PUF60: variants seen among roughly 807,000 people sequenced by gnomAD.
PUF60 encodes the protein poly(U)-binding-splicing factor PUF60.
A neutral mutation model predicts 61.8 loss-of-function variants in PUF60; 10 were observed. The observed-to-expected ratio is 0.16, with a 90% CI of 0.10 to 0.27. The LOEUF is 0.27. PUF60 is among the 10% of genes least tolerant of loss of function. The pLI is 1.00. For synonymous variants in PUF60, 353 were observed against 300.9 expected (o/e 1.17, Z -1.79); for missense variants, 371 against 754.0 (o/e 0.49, Z 5.95).
chr8:143,817,317 C>T lies in PUF60; in HGVS notation c.1144+14G>A. On this transcript the variant is annotated intron_variant, in intron 10 of 11. Coordinates refer to ENST00000526683, the MANE Select transcript of PUF60 (RefSeq NM_078480.3). This position sits in a 1 kb window ranked among gnomAD's most constrained non-coding sequence, Gnocchi z 7.4. ...GACAGGAGAGGAGAGGATCTGGTAC[C>T]ACTTAAGACTCACCTGTGATGACTC... 2 of 1,580,336 alleles carry T rather than the reference C, an allele frequency of 1.3e-6. No homozygotes were observed. The highest frequency in any genetic ancestry group is 2.2e-5 in the East Asian group (1 of 44,564).
intron 1 of PUF60, chr8:143,828,868 C>T (rs549047494): frequency 7.3e-5 from 70 of 955,860 alleles, no homozygotes; most frequent in Non-Finnish European, 8.2e-5. Context: ...GTCCCGTCCC[C>T]TTCTGATCCC....
At chr8:143,826,713 C>T (rs1229319058) in intron 1 of PUF60, among the ~76,000 whole-genome samples, 4 of 152,230 alleles carry the variant, frequency 2.6e-5, no homozygotes, top group African/African-American at 4.8e-5. Context: ...AGCAAAACTC[C>T]GTCTCACACA....
intron 1 of PUF60, among the ~76,000 whole-genome samples, chr8:143,828,752 A>C (rs1422035109): frequency 6.6e-6 from 1 of 152,194 alleles, no homozygotes; most frequent in Admixed American, 6.5e-5. Context: ...AGACAAGAGA[A>C]TGGAGATAAC....
chr8:143,822,054 C>G lies in PUF60; in HGVS notation c.112-141G>C. 9.2e-6 allele frequency: 6 copies of G among 652,748 alleles called. No homozygotes were observed. In the South Asian group the frequency reaches 1.2e-4, roughly 13 times the overall value. The allele number at this position is 652,748 out of a possible 1,614,324, so 40.4% of individuals were successfully genotyped here. A position where few individuals can be genotyped will look rare whatever the true frequency, so the allele number is the denominator to read the frequency against. On this transcript the variant is annotated intron_variant, in intron 2 of 11. Coordinates refer to ENST00000526683, the MANE Select transcript of PUF60 (RefSeq NM_078480.3). Reference sequence around the variant, plus strand: ...CCTTCTGACATTGCTGTCCCCAGCCCAGGCCACTGTCTCCCCCGGGACCCA... The same window carrying G: ...CCTTCTGACATTGCTGTCCCCAGCCGAGGCCACTGTCTCCCCCGGGACCCA...
In PUF60 at chr8:143,816,471, AC is replaced by A. The variant is rs770409152; in HGVS notation, c.*48del. Reference sequence around the variant, plus strand: ...GGGGACACCACTGTATCACTATAAAACCCAGAGGAAACAAGGAACAAGTGCA... The same window carrying A: ...GGGGACACCACTGTATCACTATAAAACCAGAGGAAACAAGGAACAAGTGCA... On this transcript the variant is annotated 3_prime_UTR_variant, in exon 12 of 12. Transcript: ENST00000526683. The A allele has an allele frequency of 1.3e-6, 2 of 1,565,908 alleles. No individual in the cohort carries two copies. Among genetic ancestry groups the A allele is most frequent in the Admixed American group, 3.6e-5 (2 of 56,008 alleles).
At position 143,816,434 on chromosome 8, in the gene PUF60, G is replaced by A. The variant is rs1294924356; in HGVS notation, c.*86C>T. The A allele has an allele frequency of 1.4e-6, 2 of 1,445,056 alleles. No individual in the cohort carries two copies. The highest frequency in any genetic ancestry group is 2.2e-5 in the Admixed American group (1 of 45,576). The allele number at this position is 1,445,056 out of a possible 1,614,324, so 89.5% of individuals were successfully genotyped here. The stretch of plus-strand genomic sequence containing the variant: ...CACTGTAGGCTGGGCTGGGCAGAGC[G>A]CGCCTGGCCCCGGGGACACCACTGT... On this transcript the variant is annotated 3_prime_UTR_variant, in exon 12 of 12. Transcript: ENST00000526683.
rs758651946 is a variant in PUF60 at position 143,817,656 on chromosome 8, G to A, written c.944C>T (p.Pro315Leu). Residue 315 changes from proline to leucine, a missense_variant, in exon 9 of 12, where the codon CCT becomes CTT. Physicochemically the swap from Pro to Leu is moderately conservative, Grantham distance 98 (BLOSUM62 -3). Coordinates refer to ENST00000526683, the MANE Select transcript of PUF60 (RefSeq NM_078480.3). The surrounding 1 kb of genome is among the most constrained non-coding windows in gnomAD (Gnocchi z 7.4). ...AGCAGCGGCAGGTGGGAGGCCTCCAGGCGTGGCTGGTGTGAGTAGGGGCAT... is the reference window on the plus strand; with the variant it reads ...AGCAGCGGCAGGTGGGAGGCCTCCAAGCGTGGCTGGTGTGAGTAGGGGCAT... ...PPMPLLTPAT[P>L]GGLPPAAAVA... 6.2e-7 allele frequency: 1 copy of A among 1,612,636 alleles called. No individual in the cohort carries two copies. The highest frequency in any genetic ancestry group is 1.1e-5 in the South Asian group (1 of 91,090).
chr8:143,821,590 G>T lies in PUF60; in HGVS notation c.297+7C>A, dbSNP rs1317789622. 1 of 1,540,006 alleles carries T rather than the reference G, an allele frequency of 6.5e-7. No individual in the cohort carries two copies. The highest frequency in any genetic ancestry group is 8.7e-7 in the Non-Finnish European group (1 of 1,146,056). On this transcript the variant is annotated splice_region_variant and intron_variant, in intron 4 of 11. Coordinates refer to ENST00000526683, the MANE Select transcript of PUF60 (RefSeq NM_078480.3). ...GGAGGGCGGTAGAGGCTCCGGCCGG[G>T]GCTCACCTGCAGGTTGGTGAGCTGC... is the stretch of plus-strand genomic sequence containing the variant.
chr8:143,827,480 TC>T (rs895301776), intron 1 of PUF60: 45 of 455,926 alleles, frequency 9.9e-5, no homozygotes, highest in African/African-American at 8.8e-4. Flanking sequence ...CTGGCTTCCT[TC>T]CCCACCAGGC....
chr8:143,817,529 A>T lies in PUF60; in HGVS notation c.1008+63T>A, dbSNP rs779570379. ...TGGCTACTCAAGACCACCTTGAATC[A>T]GTCTCCAAGGAATCAGGGGCCAGCC... On this transcript the variant is annotated intron_variant, in intron 9 of 11. Coordinates refer to ENST00000526683, the MANE Select transcript of PUF60 (RefSeq NM_078480.3). This position sits in a 1 kb window ranked among gnomAD's most constrained non-coding sequence, Gnocchi z 7.4. 19 of 1,607,782 alleles carry T rather than the reference A, an allele frequency of 1.2e-5. No homozygotes were observed. Among genetic ancestry groups the T allele is most frequent in the Admixed American group, 1.0e-4 (6 of 59,094 alleles).
chr8:143,817,386 G>C lies in PUF60; in HGVS notation c.1089C>G (p.Pro363=). 2 of 1,593,202 alleles carry C rather than the reference G, an allele frequency of 1.3e-6. No individual in the cohort carries two copies. The highest frequency in any genetic ancestry group is 2.3e-5 in the South Asian group (2 of 87,852). Residue 363 remains proline, a synonymous_variant, in exon 10 of 12, where the codon CCC becomes CCG. Coordinates refer to ENST00000526683, the MANE Select transcript of PUF60 (RefSeq NM_078480.3). The surrounding 1 kb of genome is among the most constrained non-coding windows in gnomAD (Gnocchi z 7.4). ...TGACAGCCTGGGGCAAAGTGCCCAGGGGCTGGGCCAGGGTCAGTGCTGGGG... is the reference window on the plus strand; with the variant it reads ...TGACAGCCTGGGGCAAAGTGCCCAGCGGCTGGGCCAGGGTCAGTGCTGGGG... ...LVSPALTLAQ[P]LGTLPQAVMA...
intron 5 of PUF60, among the ~76,000 whole-genome samples, chr8:143,819,245 C>T (rs1478659786): frequency 6.6e-6 from 1 of 152,170 alleles, no homozygotes; most frequent in East Asian, 1.9e-4. Flanking sequence ...AGAGACCCTA[C>T]GAGAAGCCCC....
intron 5 of PUF60, among the ~76,000 whole-genome samples, chr8:143,819,599 AG>A (rs1477804861): frequency 6.6e-6 from 1 of 152,168 alleles, no homozygotes; most frequent in Non-Finnish European, 1.5e-5. Context: ...CTCCACATCA[AG>A]GGACTTCCCA....
At chr8:143,826,324 A>G (rs6558395) in intron 1 of PUF60, among the ~76,000 whole-genome samples, 138,499 of 152,274 alleles carry the variant, frequency 0.91, 63,007 homozygotes, top group East Asian at 0.99. Context: ...GGTGGCTCAC[A>G]CCTGTAACTC....
At chr8:143,820,139 G>A (rs576738706) in intron 5 of PUF60, 166 of 156,954 alleles carry the variant, frequency 1.1e-3, no homozygotes, top group Non-Finnish European at 2.0e-3. Flanking sequence ...CCCTGGCTGC[G>A]TGGCCTCTGC....
At chr8:143,827,387 T>C (rs1817750054) in intron 1 of PUF60, 2 of 456,242 alleles carry the variant, frequency 4.4e-6, no homozygotes, top group Non-Finnish European at 8.8e-6. Flanking sequence ...AGACCTACCC[T>C]TGCTGCAAAG....
rs201956893 is a variant in PUF60, at chr8:143,817,424, G to A, written c.1051C>T (p.Pro351Ser). Reference sequence around the variant, plus strand: ...GTCAGTGCTGGGGACACCAGTCCAGGTGTGCCCAGGGTACCCAGCACCGCT... The same window carrying A: ...GTCAGTGCTGGGGACACCAGTCCAGATGTGCCCAGGGTACCCAGCACCGCT... ...GAAVLGTLGT[P>S]GLVSPALTLA... Residue 351 changes from proline (P) to serine (S), a missense_variant, in exon 10 of 12, where the codon CCT becomes TCT. By Grantham distance (74) the Pro-to-Ser change is moderately conservative. Coordinates refer to ENST00000526683, the MANE Select transcript of PUF60 (RefSeq NM_078480.3). This position sits in a 1 kb window ranked among gnomAD's most constrained non-coding sequence, Gnocchi z 7.4. 6.2e-6 allele frequency: 10 copies of A among 1,605,226 alleles called. No individual in the cohort carries two copies.
chr8:143,818,238 G>T lies in PUF60; in HGVS notation c.558C>A (p.Ala186=). 1 of 1,611,774 alleles carries T rather than the reference G, an allele frequency of 6.2e-7. No individual in the cohort carries two copies. Among genetic ancestry groups the T allele is most frequent in the Non-Finnish European group, 8.5e-7 (1 of 1,179,340 alleles). The change falls in exon 7 of 12, where the codon GCC becomes GCA. Residue 186 remains alanine (A), a synonymous_variant. Transcript: ENST00000526683. The surrounding 1 kb of genome is among the most constrained non-coding windows in gnomAD (Gnocchi z 7.9). ...EYEVPEAAQL[A]LEQMNSVMLG... Reference sequence around the variant, plus strand: ...GCATCACCGAGTTCATCTGCTCCAAGGCCAGCTGTGCAGCTTCGGGGACCT... The same window carrying T: ...GCATCACCGAGTTCATCTGCTCCAATGCCAGCTGTGCAGCTTCGGGGACCT...
rs952105760 is a variant in PUF60, at chr8:143,824,576, C to T, written c.25-177G>A. ...CCCTCTCTTCACACCCATCAGCACG[C>T]CCAGGGACCCAGTCAGAAGCAGAGC... On this transcript the variant is annotated intron_variant, in intron 1 of 11. Coordinates refer to ENST00000526683, the MANE Select transcript of PUF60 (RefSeq NM_078480.3). 4 of 620,088 alleles carry T rather than the reference C, an allele frequency of 6.5e-6. No individual in the cohort carries two copies. In the African/African-American group the frequency reaches 7.4e-5, roughly 11 times the overall value. 38.4% of individuals were successfully genotyped at this position (620,088 alleles called of 1,614,324 possible). A position where few individuals can be genotyped will look rare whatever the true frequency, so the allele number is the denominator to read the frequency against.
Sources: allele counts gnomAD v4.1 joint callset (sites outside exome capture counted in the v4.1 genomes callset), GRCh38; gene constraint gnomAD v4.1.1; non-coding constraint Gnocchi (gnomAD v3.1); transcripts MANE v1.5; gene names NCBI Gene and HGNC (gene_info 2026-07-23, HGNC 2026-07-21).